XKR5: variants seen among roughly 807,000 people sequenced by gnomAD.
XKR5 encodes the protein XK related 5.
XKR5 carries 46 observed loss-of-function variants against 40.8 expected under a neutral mutation model. The observed-to-expected ratio is 1.13, with a 90% CI of 0.89 to 1.44. The LOEUF is 1.44. XKR5 is among the 40% of genes most tolerant of loss of function. The pLI, the probability that XKR5 is intolerant of heterozygous loss-of-function variation, is 0.00. For synonymous variants in XKR5, 466 were observed against 356.1 expected (o/e 1.31, Z -3.48); for missense variants, 1,169 against 844.7 (o/e 1.38, Z -4.76).
intron 2 of XKR5, among the ~76,000 whole-genome samples, chr8:6,827,399 G>T (rs1587192841): frequency 6.6e-6 from 1 of 152,206 alleles, no homozygotes; most frequent in African/African-American, 2.4e-5. Flanking sequence ...CTAAGGCTCT[G>T]ACTGGCAGGT....
intron 2 of XKR5, among the ~76,000 whole-genome samples, chr8:6,827,983 A>C (rs12114727): frequency 0.045 from 6,825 of 152,160 alleles, 518 homozygotes; most frequent in African/African-American, 0.16. Flanking sequence ...TGGGAGGATC[A>C]CTTGAGCCCA....
intron 1 of XKR5, among the ~76,000 whole-genome samples, 176 bp downstream of exon 1, chr8:6,835,260 G>A (rs2117130808): frequency 6.6e-6 from 1 of 152,280 alleles, no homozygotes; most frequent in East Asian, 1.9e-4. Context: ...CATCTACTAA[G>A]GACGGGAGGA....
Position 6,811,095 on chromosome 8 carries a change from T to A in XKR5, c.*103A>T. 2 of 1,144,452 alleles carry A rather than the reference T, an allele frequency of 1.7e-6. No homozygotes were observed. Among genetic ancestry groups the A allele is most frequent in the Non-Finnish European group, 2.4e-6 (2 of 832,176 alleles). The allele number at this position is 1,144,452 out of a possible 1,614,324, so 70.9% of individuals were successfully genotyped here. A position where few individuals can be genotyped will look rare whatever the true frequency, so the allele number is the denominator to read the frequency against. ...GATGGAGATTCAGAGGTGACAGTGATGTGCCCAAGGACACAGGTGTCAGAA... is the reference window on the plus strand; with the variant it reads ...GATGGAGATTCAGAGGTGACAGTGAAGTGCCCAAGGACACAGGTGTCAGAA... On this transcript the variant is annotated 3_prime_UTR_variant, in exon 7 of 7. Transcript: ENST00000618742.
At chr8:6,824,245 G>C (rs1804363965) in intron 3 of XKR5, among the ~76,000 whole-genome samples, 2 of 151,562 alleles carry the variant, frequency 1.3e-5, no homozygotes, top group South Asian at 4.2e-4. Context: ...TTTAATTTGT[G>C]CATATGCAAT....
rs779284860 is a variant in XKR5 at position 6,825,151 on chromosome 8, T to G, written c.427+14A>C. Reference sequence around the variant, plus strand: ...CAGTCAGACAGTCTGTGCTCTGTGGTGACAGTTACTCACCTGGCACAATAT... The same window carrying G: ...CAGTCAGACAGTCTGTGCTCTGTGGGGACAGTTACTCACCTGGCACAATAT... On this transcript the variant is annotated intron_variant, in intron 3 of 6. Transcript: ENST00000618742. 11 of 1,613,230 alleles carry G rather than the reference T, an allele frequency of 6.8e-6. No individual in the cohort carries two copies. In the South Asian group the frequency reaches 1.1e-4, roughly 16 times the overall value.
At chr8:6,815,239 G>C (rs1396517471) in intron 6 of XKR5, among the ~76,000 whole-genome samples, 1 of 152,206 alleles carries the variant, frequency 6.6e-6, no homozygotes, top group African/African-American at 2.4e-5. Context: ...GGTCATCACC[G>C]TGGGTGTGAC....
At position 6,812,169 on chromosome 8, in the gene XKR5, A is replaced by C. The variant is rs1209591654; in HGVS notation, c.1090T>G (p.Cys364Gly). 9.7e-6 allele frequency: 15 copies of C among 1,551,716 alleles called. 1 individual carries two copies. Among genetic ancestry groups the C allele is most frequent in the Non-Finnish European group, 1.1e-5 (13 of 1,147,000 alleles). ...AGKRTESSGSCQGASYEPTIL... is the reference protein window; with the variant it reads ...AGKRTESSGSGQGASYEPTIL... ...GTTGGTTCATAACTTGCCCCTTGGC[A>C]TGAGCCTGAGCTCTCGGTTCTCTTC... The change falls in exon 7 of 7, where the codon TGC (cysteine) becomes GGC (glycine). Residue 364 changes from cysteine to glycine, a missense_variant. Coordinates refer to ENST00000618742, the MANE Select transcript of XKR5 (RefSeq NM_207411.5).
intron 2 of XKR5, among the ~76,000 whole-genome samples, chr8:6,831,825 C>G (rs527887717): frequency 1.1e-3 from 171 of 152,202 alleles, no homozygotes; most frequent in African/African-American, 3.9e-3. Flanking sequence ...ACGATGCTGG[C>G]TAACCCAGTG....
rs893760186 is a variant in XKR5 at position 6,810,919 on chromosome 8, C to T, written c.*279G>A. ...AAAGATAAAATAAGGGAACCTACAG[C>T]TCATAAAAGGTAGCAGACAATTTTG... is the stretch of plus-strand genomic sequence containing the variant. On this transcript the variant is annotated 3_prime_UTR_variant, in exon 7 of 7. Transcript: ENST00000618742. 1.4e-5 allele frequency: 4 copies of T among 294,060 alleles called. No individual in the cohort carries two copies. Among genetic ancestry groups the T allele is most frequent in the Non-Finnish European group, 2.5e-5 (4 of 159,458 alleles). 18.2% of individuals were successfully genotyped at this position (294,060 alleles called of 1,614,324 possible).
chr8:6,815,732 C>T (rs1002057684), intron 6 of XKR5, 75 bp downstream of exon 6: 17 of 1,027,314 alleles, frequency 1.7e-5, no homozygotes, highest in Middle Eastern at 2.0e-4. Flanking sequence ...CAGTTTCCTA[C>T]CCTTTGAGCC....
chr8:6,835,017 C>A (rs1201754280), intron 1 of XKR5, among the ~76,000 whole-genome samples: 1 of 152,164 alleles, frequency 6.6e-6, no homozygotes, highest in Non-Finnish European at 1.5e-5. Flanking sequence ...GGGGGAGAGC[C>A]CGGGCGCCCC....
At chr8:6,817,424 C>T (rs1390195532) in intron 5 of XKR5, among the ~76,000 whole-genome samples, 1 of 152,162 alleles carries the variant, frequency 6.6e-6, no homozygotes, top group Non-Finnish European at 1.5e-5. Flanking sequence ...AGTCAGCCTT[C>T]TCTGAGCCTT....
At chr8:6,829,116 A>G (rs1406200403) in intron 2 of XKR5, 5 of 159,284 alleles carry the variant, frequency 3.1e-5, no homozygotes, top group Non-Finnish European at 1.5e-5. Flanking sequence ...TATATTTTAT[A>G]TACTTTTAAA....
intron 1 of XKR5, among the ~76,000 whole-genome samples, chr8:6,835,201 A>G (rs1804959885): frequency 6.7e-6 from 1 of 150,138 alleles, no homozygotes; most frequent in South Asian, 2.1e-4. Flanking sequence ...GGAACCGAGC[A>G]TGGGTGGAGG....
intron 1 of XKR5, among the ~76,000 whole-genome samples, chr8:6,834,913 G>A (rs1438610974): frequency 6.6e-6 from 1 of 152,168 alleles, no homozygotes; most frequent in African/African-American, 2.4e-5. Context: ...CGTCCTACAG[G>A]GCCGCGTGGA....
chr8:6,815,818 C>T lies in XKR5; in HGVS notation c.908G>A (p.Gly303Glu), dbSNP rs1290196026. ...ACATTGGGACTTACCAATCAGAAAT[C>T]CAGACAGGACCCCAGCTATGGTCTG... ...SLQTIAGVLSGFLIGSVSLVI... is the reference protein window; with the variant it reads ...SLQTIAGVLSEFLIGSVSLVI... Residue 303 changes from glycine to glutamate, a missense_variant, in exon 6 of 7, where the codon GGA becomes GAA. By Grantham distance (98) the Gly-to-Glu change is moderately conservative. Transcript: ENST00000618742. The T allele has an allele frequency of 1.2e-6, 2 of 1,601,300 alleles. No homozygotes were observed. The highest frequency in any genetic ancestry group is 2.7e-5 in the African/African-American group (2 of 74,594).
Position 6,826,429 on chromosome 8 carries a change from G to A in XKR5, c.243-1080C>T, listed in dbSNP as rs765910553. Among the ~76,000 whole-genome samples the A allele has an allele frequency of 3.3e-5, 5 of 152,068 alleles. No homozygotes were observed. The South Asian group carries it at 6.2e-4, about 19-fold the overall frequency. On this transcript the variant is annotated intron_variant, in intron 2 of 6. Transcript: ENST00000618742. ...TAGAATACTTCCAGCAGTAATTGGT[G>A]AAGGGAGTCCTAGGAATGGAAAGTA... is the stretch of plus-strand genomic sequence containing the variant.
intron 1 of XKR5, among the ~76,000 whole-genome samples, chr8:6,833,517 C>T (rs1364442008): frequency 6.6e-6 from 1 of 152,136 alleles, no homozygotes; most frequent in Non-Finnish European, 1.5e-5. Flanking sequence ...GATTGCTCGA[C>T]GTCAGGAGTT....
At chr8:6,831,928 T>A (rs1804783540) in intron 2 of XKR5, among the ~76,000 whole-genome samples, 2 of 144,740 alleles carry the variant, frequency 1.4e-5, no homozygotes, top group South Asian at 4.3e-4. Context: ...AGCAGGAGAA[T>A]CGCTTGAACC....
Sources: allele counts gnomAD v4.1 joint callset (sites outside exome capture counted in the v4.1 genomes callset), GRCh38; gene constraint gnomAD v4.1.1; transcripts MANE v1.5; gene names NCBI Gene and HGNC (gene_info 2026-07-23, HGNC 2026-07-21).